ZDHHC14: variants seen among roughly 807,000 people sequenced by gnomAD.
ZDHHC14 encodes the protein zDHHC palmitoyltransferase 14.
Under a neutral mutation model 47.7 loss-of-function variants are expected in ZDHHC14, and 16 were observed. The observed-to-expected ratio is 0.34, with a 90% confidence interval of 0.23 to 0.51. The LOEUF is 0.51. ZDHHC14 is among the 20% of genes least tolerant of loss of function. The pLI is 0.97. For synonymous variants in ZDHHC14, 293 were observed against 278.9 expected, an observed-to-expected ratio of 1.05 and a Z score of -0.50; for missense variants, 515 against 662.5, an observed-to-expected ratio of 0.78 and a Z score of 2.44.
At chr6:157,393,713 CT>C (rs1281713587) in intron 1 of ZDHHC14, among the ~76,000 whole-genome samples, 4 of 152,190 alleles carry the variant, frequency 2.6e-5, no homozygotes, top group African/African-American at 4.8e-5. Context: ...ACTGTGTCTA[CT>C]TTTTCTTGTT....
chr6:157,660,842 T>C (rs1778316156), intron 8 of ZDHHC14, among the ~76,000 whole-genome samples: 1 of 152,240 alleles, frequency 6.6e-6, no homozygotes, highest in Non-Finnish European at 1.5e-5. Flanking sequence ...TTGGCACAAA[T>C]AAGTTTCTTT....
At chr6:157,580,125 T>C (rs1456208639) in intron 2 of ZDHHC14, among the ~76,000 whole-genome samples, 1 of 152,214 alleles carries the variant, frequency 6.6e-6, no homozygotes, top group Non-Finnish European at 1.5e-5. Flanking sequence ...CACATCTCTT[T>C]TATTTCTGCA....
intron 7 of ZDHHC14, among the ~76,000 whole-genome samples, chr6:157,650,513 GC>G (rs1777781345): frequency 6.6e-6 from 1 of 152,020 alleles, no homozygotes; most frequent in Admixed American, 6.5e-5. Context: ...CAGGCTGGAC[GC>G]GATGGGATGC....
At chr6:157,540,614 G>A (rs1023011663) in intron 1 of ZDHHC14, among the ~76,000 whole-genome samples, 1 of 152,070 alleles carries the variant, frequency 6.6e-6, no homozygotes. Context: ...GTCCAGCTGT[G>A]CCCTCGCTGA....
At chr6:157,522,853 C>CTTT (rs1780990699) in intron 1 of ZDHHC14, among the ~76,000 whole-genome samples, 1 of 48,952 alleles carries the variant, frequency 2.0e-5, no homozygotes, top group African/African-American at 1.4e-4. Flanking sequence ...TCCTTCCTTT[C>CTTT]CTCCCTTCTT....
At chr6:157,590,594 G>A (rs947709123) in intron 2 of ZDHHC14, among the ~76,000 whole-genome samples, 1 of 152,262 alleles carries the variant, frequency 6.6e-6, no homozygotes, top group Non-Finnish European at 1.5e-5. Flanking sequence ...ATGCCTGGAT[G>A]TCTAGGCAGA....
chr6:157,660,214 C>T (rs1416364454), intron 8 of ZDHHC14, among the ~76,000 whole-genome samples: 7 of 144,788 alleles, frequency 4.8e-5, no homozygotes, highest in South Asian at 2.2e-4. Flanking sequence ...TCTTTTTAGA[C>T]GGAGTCTCAC....
intron 8 of ZDHHC14, among the ~76,000 whole-genome samples, chr6:157,663,985 T>A (rs536836580): frequency 6.6e-6 from 1 of 152,356 alleles, no homozygotes; most frequent in South Asian, 2.1e-4. Context: ...CCAGAGCCCA[T>A]GCTTTTAACC....
chr6:157,655,978 G>A (rs1273526144), intron 8 of ZDHHC14, among the ~76,000 whole-genome samples: 1 of 152,222 alleles, frequency 6.6e-6, no homozygotes, highest in Non-Finnish European at 1.5e-5. Flanking sequence ...GACCAGATGG[G>A]ACATAATTCA....
At chr6:157,632,980 C>G (rs1776777227) in intron 5 of ZDHHC14, 98 bp downstream of exon 5, 1 of 1,290,790 alleles carries the variant, frequency 7.7e-7, no homozygotes, top group Admixed American at 1.7e-5. Context: ...CCCGGCCTTG[C>G]TTCTCATGTA....
chr6:157,410,898 TG>T (rs1326872306), intron 1 of ZDHHC14, among the ~76,000 whole-genome samples: 4 of 152,174 alleles, frequency 2.6e-5, no homozygotes, highest in African/African-American at 9.7e-5. Context: ...GGTTTCACCA[TG>T]TTGGCCAGGA....
At chr6:157,664,866 T>C (rs535676108) in intron 8 of ZDHHC14, among the ~76,000 whole-genome samples, 2 of 150,858 alleles carry the variant, frequency 1.3e-5, no homozygotes, top group African/African-American at 2.4e-5. Context: ...CTACAGCCCT[T>C]GGAACCTCCA....
intron 1 of ZDHHC14, among the ~76,000 whole-genome samples, chr6:157,496,378 C>A (rs534365342): frequency 3.3e-5 from 5 of 152,180 alleles, no homozygotes; most frequent in Middle Eastern, 3.4e-3. Flanking sequence ...GTTAACCCCC[C>A]CCATGCTATT....
At chr6:157,409,884 A>G (rs1777839701) in intron 1 of ZDHHC14, among the ~76,000 whole-genome samples, 1 of 151,822 alleles carries the variant, frequency 6.6e-6, no homozygotes, top group South Asian at 2.1e-4. Flanking sequence ...ACTGGAGTGC[A>G]GTGGCGCGAT....
At chr6:157,388,498 T>G (rs1156317339) in intron 1 of ZDHHC14, among the ~76,000 whole-genome samples, 1 of 152,200 alleles carries the variant, frequency 6.6e-6, no homozygotes, top group Non-Finnish European at 1.5e-5. Context: ...CATTTGTTAT[T>G]TTATAGGTGA....
intron 1 of ZDHHC14, among the ~76,000 whole-genome samples, chr6:157,480,255 T>G (rs970670513): frequency 7.1e-6 from 1 of 141,084 alleles, no homozygotes; most frequent in Admixed American, 7.1e-5. Context: ...TGTTGTTGTT[T>G]TGGGTTTTTT....
chr6:157,524,788 C>G (rs1057045803), intron 1 of ZDHHC14, among the ~76,000 whole-genome samples: 7 of 152,210 alleles, frequency 4.6e-5, no homozygotes, highest in Admixed American at 3.9e-4. Flanking sequence ...GATTTATTCC[C>G]TTCCCTGTGA....
chr6:157,653,558 C>A lies in ZDHHC14; in HGVS notation c.999C>A (p.Asp333Glu), dbSNP rs755258903. ...LIDRRGYIQP[D>E]TPQPAAPSNG... Reference sequence around the variant, plus strand: ...ACAGAAGAGGGTACATCCAGCCCGACACGCCGCAGCCAGCAGCACCCTCCA... The same window carrying A: ...ACAGAAGAGGGTACATCCAGCCCGAAACGCCGCAGCCAGCAGCACCCTCCA... The change falls in exon 8 of 9, where the codon GAC becomes GAA. Residue 333 changes from aspartate (D) to glutamate (E), a missense_variant. Transcript: ENST00000359775. 1.2e-6 allele frequency: 2 copies of A among 1,613,984 alleles called. No individual in the cohort carries two copies. Among genetic ancestry groups the A allele is most frequent in the Admixed American group, 3.3e-5 (2 of 60,024 alleles).
At chr6:157,468,411 C>A (rs530349827) in intron 1 of ZDHHC14, among the ~76,000 whole-genome samples, 3 of 152,294 alleles carry the variant, frequency 2.0e-5, no homozygotes, top group African/African-American at 7.2e-5. Flanking sequence ...AGAGGACATG[C>A]TTACACAGCA....
Sources: gnomAD v4.1 joint callset for allele counts (sites outside exome capture counted in the v4.1 genomes callset) on GRCh38, gnomAD v4.1.1 for gene constraint, MANE v1.5 for transcripts, NCBI Gene and HGNC (gene_info 2026-07-23, HGNC 2026-07-21) for gene names.